Variants in MERTK observed in about 807,000 individuals in gnomAD.
MERTK encodes MER proto-oncogene, tyrosine kinase.
A neutral mutation model predicts 99.3 loss-of-function variants in MERTK; 69 were observed. That is an observed-to-expected ratio of 0.70 (90% confidence interval 0.57 to 0.85). The LOEUF is 0.85. MERTK is among the 40% of genes least tolerant of loss of function. MERTK has a pLI of 0.00. For missense variants in MERTK, 1,125 were observed against 1,249.4 expected, an observed-to-expected ratio of 0.90 and a Z score of 1.50; for synonymous variants, 426 against 467.6, an observed-to-expected ratio of 0.91 and a Z score of 1.15.
chr2:111,991,547 G>A (rs1676615893), intron 8 of MERTK, among the ~76,000 whole-genome samples: 2 of 151,522 alleles, frequency 1.3e-5, no homozygotes, highest in African/African-American at 2.4e-5. Flanking sequence ...TTCTGAAAAA[G>A]GTATCACCAG....
intron 1 of MERTK, among the ~76,000 whole-genome samples, chr2:111,900,742 G>A (rs1297988046): frequency 6.6e-6 from 1 of 152,148 alleles, no homozygotes; most frequent in African/African-American, 2.4e-5. Flanking sequence ...TATGAGATGT[G>A]TGACAGTTTT....
intron 9 of MERTK, chr2:111,995,428 A>G (rs570928032): frequency 1.1e-5 from 2 of 188,526 alleles, no homozygotes; most frequent in East Asian, 1.9e-4. Flanking sequence ...GTGCTTATAC[A>G]TTAAGTTTTT....
intron 1 of MERTK, among the ~76,000 whole-genome samples, chr2:111,918,554 G>C (rs1393883455): frequency 6.6e-6 from 1 of 152,184 alleles, no homozygotes; most frequent in African/African-American, 2.4e-5. Flanking sequence ...TGTGACAATT[G>C]GCATGCTGCC....
At chr2:111,959,853 C>G (rs1296281729) in intron 4 of MERTK, among the ~76,000 whole-genome samples, 1 of 152,086 alleles carries the variant, frequency 6.6e-6, no homozygotes, top group Non-Finnish European at 1.5e-5. Context: ...TTATGTGGGT[C>G]ATATCTATCT....
In MERTK at chr2:111,997,424, A is replaced by G. The variant is rs2230515; in HGVS notation, c.1552A>G (p.Ile518Val). The G allele has an allele frequency of 0.61, 988,796 of 1,613,440 alleles. 307,086 individuals are homozygous for G. The highest frequency in any genetic ancestry group is 0.66 in the African/African-American group (49,288 of 74,916). ...CFCGFILIGL[I>V]LYISLAIRKR... ...TTGTGGATTTATTTTGATTGGGTTG[A>G]TTTTATACATCTCCTTGGCCATCAG... Residue 518 changes from isoleucine to valine, a missense_variant, in exon 10 of 19, where the codon ATT becomes GTT. Physicochemically the swap from Ile to Val is conservative, Grantham distance 29 (BLOSUM62 3). Coordinates refer to ENST00000295408, the MANE Select transcript of MERTK (RefSeq NM_006343.3).
At chr2:111,957,068 C>T (rs1044260706) in intron 4 of MERTK, among the ~76,000 whole-genome samples, 3 of 151,888 alleles carry the variant, frequency 2.0e-5, no homozygotes, top group African/African-American at 7.3e-5. Flanking sequence ...GCTGGGACTA[C>T]AGGGGCCAGC....
intron 1 of MERTK, among the ~76,000 whole-genome samples, chr2:111,928,550 A>C (rs964063947): frequency 6.6e-6 from 1 of 152,150 alleles, no homozygotes; most frequent in Admixed American, 6.6e-5. Flanking sequence ...CTGTGGTGCT[A>C]CCTTGGCTCA....
At chr2:111,994,786 A>G (rs1265120585) in intron 9 of MERTK, 3 of 102,496 alleles carry the variant, frequency 2.9e-5, no homozygotes, top group Non-Finnish European at 2.3e-5. Flanking sequence ...TCAAAAAAAG[A>G]AAAAAAAAAA....
chr2:111,913,679 G>T (rs1261716842), intron 1 of MERTK, among the ~76,000 whole-genome samples: 1 of 152,146 alleles, frequency 6.6e-6, no homozygotes, highest in African/African-American at 2.4e-5. Context: ...GAGTAGCTGG[G>T]ATTACAGGCG....
rs34537631 is a variant in MERTK at position 111,973,991 on chromosome 2, C to CAA, written c.961-1279_961-1278dup. ...ATGACCCTTTGCTATATCTCCTCAT[C>CAA]AAAAAAAAAAAAAAAAAAAAGCCAA... On this transcript the variant is annotated intron_variant, in intron 6 of 18. Coordinates refer to ENST00000295408, the MANE Select transcript of MERTK (RefSeq NM_006343.3). 4.3e-3 allele frequency among the ~76,000 whole-genome samples: 362 copies of CAA among 84,638 alleles called. 5 individuals carry two copies. Among genetic ancestry groups the CAA allele is most frequent in the Middle Eastern group, 6.8e-3 (1 of 146 alleles). The allele number at this position is 84,638 out of a possible 152,430, so 55.5% of individuals were successfully genotyped here.
chr2:111,999,413 C>T (rs1004250198), intron 10 of MERTK, among the ~76,000 whole-genome samples: 3 of 152,142 alleles, frequency 2.0e-5, no homozygotes, highest in Non-Finnish European at 4.4e-5. Flanking sequence ...ATCCTCCCAT[C>T]TCAGCCTCCC....
intron 4 of MERTK, among the ~76,000 whole-genome samples, chr2:111,951,522 C>CATATATATATATATATATATATAT (rs56410508): frequency 0.015 from 1,259 of 85,506 alleles, 83 homozygotes; most frequent in Non-Finnish European, 0.022. Context: ...ATAATATTCC[C>CATATATATATATATATATATATAT]ATATATATAT....
intron 1 of MERTK, among the ~76,000 whole-genome samples, chr2:111,922,867 C>A (rs1426771940): frequency 1.3e-5 from 2 of 152,226 alleles, no homozygotes; most frequent in African/African-American, 4.8e-5. Flanking sequence ...AGCAAGGATT[C>A]ATGGATTTGA....
intron 10 of MERTK, among the ~76,000 whole-genome samples, chr2:112,000,918 G>A (rs534997979): frequency 6.6e-6 from 1 of 152,192 alleles, no homozygotes; most frequent in South Asian, 2.1e-4. Flanking sequence ...TATACTCATA[G>A]TCTAGTATTA....
rs139430156 is a variant in MERTK, at chr2:111,910,591, A to AGTGTGTGTGTGTGT, written c.61+11802_61+11815dup. On this transcript the variant is annotated intron_variant, in intron 1 of 18. Coordinates refer to ENST00000295408, the MANE Select transcript of MERTK (RefSeq NM_006343.3). ...GGCTGACCCTGTAACTTAAAAAAAA[A>AGTGTGTGTGTGTGT]GTGTGTGTGTGTGTGTGTGTATATA... Among the ~76,000 whole-genome samples the AGTGTGTGTGTGTGT allele has an allele frequency of 6.9e-3, 979 of 141,174 alleles. 6 individuals carry two copies. The highest frequency in any genetic ancestry group is 0.02 in the Middle Eastern group (5 of 256). The allele number at this position is 141,174 out of a possible 152,430, so 92.6% of individuals were successfully genotyped here. A position where few individuals can be genotyped will look rare whatever the true frequency, so the allele number is the denominator to read the frequency against.
chr2:111,932,929 T>C (rs577181192), intron 2 of MERTK, among the ~76,000 whole-genome samples: 1 of 151,636 alleles, frequency 6.6e-6, no homozygotes, highest in Admixed American at 6.6e-5. Context: ...CAGGGAGGGG[T>C]TTGGAGTGTT....
intron 1 of MERTK, among the ~76,000 whole-genome samples, chr2:111,928,911 C>T (rs994281616): frequency 2.6e-5 from 4 of 152,144 alleles, no homozygotes; most frequent in African/African-American, 4.8e-5. Flanking sequence ...GGTTACATTT[C>T]TTCAGGACTC....
intron 4 of MERTK, among the ~76,000 whole-genome samples, chr2:111,955,162 G>A (rs560545111): frequency 1.3e-5 from 2 of 152,288 alleles, no homozygotes; most frequent in Middle Eastern, 3.4e-3. Context: ...TTAAATAGCC[G>A]ATTGTTTGGA....
At chr2:111,912,735 C>G (rs1030963092) in intron 1 of MERTK, among the ~76,000 whole-genome samples, 1 of 152,208 alleles carries the variant, frequency 6.6e-6, no homozygotes. Flanking sequence ...GCAACTGGCT[C>G]TTTCGCCACT....
Sources: allele counts gnomAD v4.1 joint callset (sites outside exome capture counted in the v4.1 genomes callset), GRCh38; gene constraint gnomAD v4.1.1; transcripts MANE v1.5; gene names NCBI Gene and HGNC (gene_info 2026-07-23, HGNC 2026-07-21).